The following CHMP7 variants were observed in gnomAD, a reference collection of about 807,000 sequenced individuals.
CHMP7 encodes charged multivesicular body protein 7.
Under a neutral mutation model 53.7 loss-of-function variants are expected in CHMP7, and 15 were observed. The observed-to-expected ratio is 0.28, with a 90% CI of 0.19 to 0.43. The LOEUF is 0.43. Among genes scored for constraint, CHMP7 ranks in the 20% least tolerant of loss-of-function variants. The probability of loss-of-function intolerance (pLI) is 1.00; values close to 1 mark genes in which losing one functional copy is unlikely to be tolerated. For synonymous variants in CHMP7, 261 were observed against 228.0 expected (o/e 1.14, Z -1.30); for missense variants, 527 against 569.4 (o/e 0.93, Z 0.76).
intron 2 of CHMP7, chr8:23,248,342 G>A (rs551041551): frequency 4.6e-5 from 17 of 372,382 alleles, no homozygotes; most frequent in Admixed American, 1.9e-4. Flanking sequence ...AAGCTTCCTG[G>A]TGCTTGCCTG....
chr8:23,256,061 A>G (rs181219789), intron 4 of CHMP7, among the ~76,000 whole-genome samples: 7 of 152,228 alleles, frequency 4.6e-5, no homozygotes, highest in African/African-American at 7.2e-5. Flanking sequence ...TGCCTGGCCT[A>G]TTATACTTAA....
At chr8:23,253,214 C>A (rs773694390) in intron 3 of CHMP7, among the ~76,000 whole-genome samples, 3 of 152,214 alleles carry the variant, frequency 2.0e-5, no homozygotes, top group African/African-American at 4.8e-5. Flanking sequence ...CCTGCTGTCT[C>A]CTTTGAGTTT....
intron 3 of CHMP7, among the ~76,000 whole-genome samples, chr8:23,252,195 C>CTTTTTTTTTTTTTTTTTTTTTTTTTT (rs373288680): frequency 5.7e-5 from 6 of 105,298 alleles, no homozygotes; most frequent in Admixed American, 1.1e-4. Flanking sequence ...ATTGTGTTAT[C>CTTTTTTTTTTTTTTTTTTTTTTTTTT]TTTTTTTTTT....
intron 3 of CHMP7, among the ~76,000 whole-genome samples, chr8:23,250,521 G>T (rs1349362749): frequency 1.3e-5 from 2 of 151,952 alleles, no homozygotes; most frequent in East Asian, 1.9e-4. Context: ...ACCGACCTTT[G>T]TGTCACCACT....
In CHMP7 at chr8:23,246,552, T is replaced by G; in HGVS notation, c.-144T>G. ...AGCGCAACGCATGCGCCTTGAAGAC[T>G]TATGGAACTTATTTCACGCTCAGGG... On this transcript the variant is annotated 5_prime_UTR_variant, in exon 2 of 11. Coordinates refer to ENST00000397677, the MANE Select transcript of CHMP7 (RefSeq NM_152272.5). 1 of 676,278 alleles carries G rather than the reference T, an allele frequency of 1.5e-6. No homozygotes were observed. The highest frequency in any genetic ancestry group is 2.5e-6 in the Non-Finnish European group (1 of 404,344). 41.9% of individuals were successfully genotyped at this position (676,278 alleles called of 1,614,324 possible).
At chr8:23,255,506 T>C in intron 4 of CHMP7, 74 bp downstream of exon 4, 1 of 1,471,168 alleles carries the variant, frequency 6.8e-7, no homozygotes, top group Non-Finnish European at 9.4e-7. Flanking sequence ...AGCCCTTATC[T>C]CAGATTTTGG....
At chr8:23,260,456 A>C (rs1361387180) in intron 10 of CHMP7, 82 bp from the exon 11 acceptor site, 1 of 1,513,094 alleles carries the variant, frequency 6.6e-7, no homozygotes, top group Non-Finnish European at 9.2e-7. Context: ...GTTTATATTA[A>C]GACTCAGTCT....
intron 5 of CHMP7, 70 bp downstream of exon 5, chr8:23,256,663 A>T: frequency 1.5e-6 from 2 of 1,291,764 alleles, no homozygotes; most frequent in Non-Finnish European, 2.1e-6. Context: ...AAATGTTAGT[A>T]TATGTGGGCT....
intron 3 of CHMP7, among the ~76,000 whole-genome samples, chr8:23,251,306 G>A (rs1280619024): frequency 6.6e-6 from 1 of 152,014 alleles, no homozygotes; most frequent in East Asian, 1.9e-4. Flanking sequence ...CCATTATTTT[G>A]TTATTTAAAA....
At chr8:23,248,962 T>C (rs1239215066) in intron 2 of CHMP7, among the ~76,000 whole-genome samples, 1 of 152,206 alleles carries the variant, frequency 6.6e-6, no homozygotes, top group African/African-American at 2.4e-5. Flanking sequence ...CCTCTCTGCT[T>C]ACCTTCTGAG....
rs758275144 is a variant in CHMP7, at chr8:23,249,203, C to A, written c.300-7C>A. On this transcript the variant is annotated splice_polypyrimidine_tract_variant and splice_region_variant and intron_variant, in intron 2 of 10. Transcript: ENST00000397677. ...CTACTACACGCCCTTCTTTTTCTTC[C>A]CTGCAGTCGAGGGGAGCTGCAGCGG... 4.5e-6 allele frequency: 7 copies of A among 1,564,456 alleles called. No homozygotes were observed. In the South Asian group the frequency reaches 8.4e-5, roughly 19 times the overall value.
In CHMP7 at chr8:23,258,370, G is replaced by A. The variant is rs149875498; in HGVS notation, c.881G>A (p.Arg294His). The A allele has an allele frequency of 3.0e-5, 49 of 1,614,058 alleles. No individual in the cohort carries two copies. Among genetic ancestry groups the A allele is most frequent in the Middle Eastern group, 3.3e-4 (2 of 6,084 alleles). The change falls in exon 7 of 11, where the codon CGC becomes CAC. Residue 294 changes from arginine (R) to histidine (H), a missense_variant. Physicochemically the swap from Arg to His is conservative, Grantham distance 29. Transcript: ENST00000397677. ...SLKAKQRTEK[R>H]IEALHAKLDT... is the part of the protein sequence containing the mutation. ...AAGGCCAAGCAACGGACAGAGAAGC[G>A]CATCGAGGCCTTGCATGCCAAGCTG... is the stretch of plus-strand genomic sequence containing the variant.
intron 4 of CHMP7, among the ~76,000 whole-genome samples, chr8:23,256,225 G>C (rs1173671312): frequency 1.3e-5 from 2 of 152,188 alleles, no homozygotes; most frequent in African/African-American, 4.8e-5. Context: ...TCTACAGTAA[G>C]AATGAATCTT....
intron 3 of CHMP7, among the ~76,000 whole-genome samples, chr8:23,254,560 A>G (rs1452349763): frequency 2.7e-5 from 4 of 146,028 alleles, no homozygotes; most frequent in Non-Finnish European, 4.5e-5. Flanking sequence ...ACATCCAGCT[A>G]TTTTTTTTTT....
intron 10 of CHMP7, 28 bp from the exon 11 acceptor site, chr8:23,260,510 A>G (rs1802344447): frequency 6.7e-7 from 1 of 1,495,012 alleles, no homozygotes; most frequent in Non-Finnish European, 9.1e-7. Context: ...TTCCTGTTAT[A>G]GTGTTCAGTC....
Position 23,246,586 on chromosome 8 carries a change from A to T in CHMP7, c.-110A>T, listed in dbSNP as rs1801691730. 2.3e-6 allele frequency: 2 copies of T among 861,700 alleles called. No individual in the cohort carries two copies. The highest frequency in any genetic ancestry group is 1.7e-5 in the African/African-American group (1 of 59,344). The allele number at this position is 861,700 out of a possible 1,614,324, so 53.4% of individuals were successfully genotyped here. ...TTATTTCACGCTCAGGGCGGCGGTGACGTGTGAACGAGAAGGAGGTGGTCA... is the reference window on the plus strand; with the variant it reads ...TTATTTCACGCTCAGGGCGGCGGTGTCGTGTGAACGAGAAGGAGGTGGTCA... On this transcript the variant is annotated 5_prime_UTR_variant, in exon 2 of 11. An upstream open reading frame in the 5' UTR loses its in-frame stop. Transcript: ENST00000397677.
intron 4 of CHMP7, 93 bp downstream of exon 4, chr8:23,255,525 G>C (rs1802090467): frequency 7.4e-6 from 9 of 1,213,542 alleles, no homozygotes; most frequent in Non-Finnish European, 1.1e-5. Context: ...GGTTTCCAGA[G>C]TTTCAGTAAC....
chr8:23,256,835 C>T lies in CHMP7; in HGVS notation c.791+242C>T, dbSNP rs187523361. 4.7e-3 allele frequency: 1,054 copies of T among 224,946 alleles called. 12 individuals carry two copies. The highest frequency in any genetic ancestry group is 4.5e-3 in the Non-Finnish European group (529 of 117,916). 13.9% of individuals were successfully genotyped at this position (224,946 alleles called of 1,614,324 possible). A position where few individuals can be genotyped will look rare whatever the true frequency, so the allele number is the denominator to read the frequency against. Reference sequence around the variant, plus strand: ...TGAGACGGAGTCTCGCTCTGTCACCCGGGCTGGAGTGCAGTGGTGCGATCT... The same window carrying T: ...TGAGACGGAGTCTCGCTCTGTCACCTGGGCTGGAGTGCAGTGGTGCGATCT... On this transcript the variant is annotated intron_variant, in intron 5 of 10. Coordinates refer to ENST00000397677, the MANE Select transcript of CHMP7 (RefSeq NM_152272.5).
At chr8:23,255,732 C>T (rs1331232671) in intron 4 of CHMP7, among the ~76,000 whole-genome samples, 2 of 151,106 alleles carry the variant, frequency 1.3e-5, no homozygotes, top group Non-Finnish European at 2.9e-5. Context: ...TTGACTGTCA[C>T]AGCATTGCAG....
Sources: gnomAD v4.1 joint callset for allele counts (sites outside exome capture counted in the v4.1 genomes callset) on GRCh38, gnomAD v4.1.1 for gene constraint, MANE v1.5 for transcripts, NCBI Gene and HGNC (gene_info 2026-07-23, HGNC 2026-07-21) for gene names.